FARSB: variants seen among roughly 807,000 people sequenced by gnomAD.
The protein encoded by FARSB is phenylalanyl-tRNA synthetase subunit beta.
FARSB carries 40 observed loss-of-function variants against 69.6 expected under a neutral mutation model. The observed-to-expected ratio is 0.57, with a 90% CI of 0.45 to 0.75. The LOEUF (loss-of-function observed/expected upper bound fraction) is 0.75. Ranked by LOEUF, FARSB falls within the 30% of genes least tolerant of loss-of-function variation. The pLI, the probability that FARSB is intolerant of heterozygous loss-of-function variation, is 0.00. For synonymous variants in FARSB, 235 were observed against 247.2 expected (o/e 0.95, Z 0.46); for missense variants, 632 against 722.9 (o/e 0.87, Z 1.44).
chr2:222,616,817 C>T (rs1350340842), intron 14 of FARSB, among the ~76,000 whole-genome samples: 3 of 152,110 alleles, frequency 2.0e-5, no homozygotes, highest in Non-Finnish European at 4.4e-5. Context: ...GAGTTATAGG[C>T]CCATGAAGAA....
At chr2:222,572,073 C>T in intron 16 of FARSB, 51 bp from the exon 17 acceptor site, 3 of 1,539,556 alleles carry the variant, frequency 1.9e-6, no homozygotes, top group Non-Finnish European at 1.8e-6. Flanking sequence ...GGCAAAACAT[C>T]AATAGACATT....
intron 16 of FARSB, among the ~76,000 whole-genome samples, chr2:222,591,694 T>A (rs1014235785): frequency 6.6e-6 from 1 of 151,826 alleles, no homozygotes; most frequent in Non-Finnish European, 1.5e-5. Flanking sequence ...ATATATACAA[T>A]TTTTTTTTAA....
At chr2:222,585,345 C>G (rs1006482854) in intron 16 of FARSB, among the ~76,000 whole-genome samples, 2 of 152,170 alleles carry the variant, frequency 1.3e-5, no homozygotes, top group African/African-American at 4.8e-5. Flanking sequence ...AAAGGACATC[C>G]ACACCAAAAC....
intron 16 of FARSB, among the ~76,000 whole-genome samples, chr2:222,598,395 T>C (rs1459481559): frequency 6.6e-6 from 1 of 152,200 alleles, no homozygotes; most frequent in Non-Finnish European, 1.5e-5. Flanking sequence ...ATATTATCCA[T>C]CTAAAGGTTA....
chr2:222,594,972 ATTTG>A lies in FARSB; in HGVS notation c.1618+4952_1618+4955del, dbSNP rs1027612646. ...TCCAACTGTGTAGGAATCACTGCTT[ATTTG>A]TTTAATATTGCTTTGTCTTTTAATT... is the stretch of plus-strand genomic sequence containing the variant. On this transcript the variant is annotated intron_variant, in intron 16 of 16. Coordinates refer to ENST00000281828, the MANE Select transcript of FARSB (RefSeq NM_005687.5). Among the ~76,000 whole-genome samples the A allele has an allele frequency of 2.6e-5, 4 of 152,198 alleles. No homozygotes were observed. In the East Asian group the frequency reaches 5.8e-4, roughly 22 times the overall value.
At chr2:222,572,357 TAAAA>T (rs1689739047) in intron 16 of FARSB, among the ~76,000 whole-genome samples, 1 of 152,066 alleles carries the variant, frequency 6.6e-6, no homozygotes. Context: ...GAACTGGTCC[TAAAA>T]AGGCCAAAAG....
At chr2:222,642,212 G>C (rs1691739773) in intron 3 of FARSB, among the ~76,000 whole-genome samples, 2 of 152,138 alleles carry the variant, frequency 1.3e-5, no homozygotes, top group African/African-American at 4.8e-5. Flanking sequence ...TGTTGGCCAG[G>C]CTGGTCTTGA....
chr2:222,580,705 G>GAA (rs200787833), intron 16 of FARSB, among the ~76,000 whole-genome samples: 11 of 150,120 alleles, frequency 7.3e-5, no homozygotes, highest in African/African-American at 2.7e-4. Flanking sequence ...CCACTGGTAG[G>GAA]AAAAAAAAAT....
At position 222,624,307 on chromosome 2, in the gene FARSB, T is replaced by C. The variant is rs200791140; in HGVS notation, c.1135A>G (p.Met379Val). The C allele has an allele frequency of 1.2e-6, 2 of 1,612,304 alleles. No individual in the cohort carries two copies. The highest frequency in any genetic ancestry group is 3.3e-5 in the Admixed American group (2 of 60,026). Residue 379 changes from methionine (M) to valine (V), a missense_variant, in exon 12 of 17, where the codon ATG becomes GTG. Met to Val is a conservative substitution (Grantham distance 21). Coordinates refer to ENST00000281828, the MANE Select transcript of FARSB (RefSeq NM_005687.5). ...AIAYGYNNIQ[M>V]TLPKTYTIAN... ...ATGGTGTAAGTTTTCGGGAGAGTCA[T>C]CTGAATGTTGTTATATCCATAAGCA...
At chr2:222,614,653 C>A (rs189045820) in intron 14 of FARSB, among the ~76,000 whole-genome samples, 1 of 152,100 alleles carries the variant, frequency 6.6e-6, no homozygotes, top group Admixed American at 6.5e-5. Flanking sequence ...AAGACCAGCA[C>A]GGGCAACATA....
chr2:222,613,981 A>G (rs1483188979), intron 14 of FARSB, 53 bp from the exon 15 acceptor site: 1 of 1,074,528 alleles, frequency 9.3e-7, no homozygotes, highest in East Asian at 2.4e-5. Flanking sequence ...AAACAAAGAC[A>G]CTTGGTTAAA....
intron 16 of FARSB, among the ~76,000 whole-genome samples, chr2:222,576,709 A>T (rs1332728510): frequency 6.6e-6 from 1 of 152,158 alleles, no homozygotes; most frequent in Non-Finnish European, 1.5e-5. Flanking sequence ...ACTGGGGTGA[A>T]ATTGACAGGG....
intron 16 of FARSB, among the ~76,000 whole-genome samples, chr2:222,574,051 A>G (rs1689776900): frequency 6.6e-6 from 1 of 152,232 alleles, no homozygotes; most frequent in African/African-American, 2.4e-5. Context: ...AAACCAAACT[A>G]TTTTGGAATC....
At chr2:222,609,633 T>C (rs1430910906) in intron 15 of FARSB, among the ~76,000 whole-genome samples, 1 of 152,194 alleles carries the variant, frequency 6.6e-6, no homozygotes, top group Non-Finnish European at 1.5e-5. Flanking sequence ...AGTGGTTGGC[T>C]CAGCCTCAAA....
At chr2:222,613,759 T>C (rs371740033) in intron 15 of FARSB, 52 bp downstream of exon 15, 2 of 1,183,632 alleles carry the variant, frequency 1.7e-6, no homozygotes, top group East Asian at 4.7e-5. Flanking sequence ...GTTTTCATAA[T>C]GAAAAAAATG....
chr2:222,603,003 A>C (rs1056139475), intron 15 of FARSB, among the ~76,000 whole-genome samples: 7 of 152,144 alleles, frequency 4.6e-5, no homozygotes. Flanking sequence ...TTGTAAAAAA[A>C]AAAATCATCT....
At position 222,572,035 on chromosome 2, in the gene FARSB, A is replaced by C. The variant is rs1333988167; in HGVS notation, c.1619-13T>G. The C allele has an allele frequency of 6.2e-7, 1 of 1,605,122 alleles. No individual in the cohort carries two copies. Among genetic ancestry groups the C allele is most frequent in the African/African-American group, 1.3e-5 (1 of 74,300 alleles). On this transcript the variant is annotated splice_polypyrimidine_tract_variant and intron_variant, in intron 16 of 16. Coordinates refer to ENST00000281828, the MANE Select transcript of FARSB (RefSeq NM_005687.5). ...AAGAAAGCAGGCCCTGAAAAAGAGA[A>C]AGTAAGAGAAAAATCAATGTTTCTT...
At chr2:222,646,481 T>C (rs1691862026) in intron 2 of FARSB, among the ~76,000 whole-genome samples, 1 of 152,216 alleles carries the variant, frequency 6.6e-6, no homozygotes, top group Non-Finnish European at 1.5e-5. Context: ...GCCACAATAT[T>C]GTGGAGACAG....
rs371981140 is a variant in FARSB, at chr2:222,610,903, G to C, written c.1462+2908C>G. Among the ~76,000 whole-genome samples, 143 of 152,254 alleles carry C rather than the reference G, an allele frequency of 9.4e-4. 2 individuals carry two copies. In the South Asian group the frequency reaches 0.029, roughly 31 times the overall value. On this transcript the variant is annotated intron_variant, in intron 15 of 16. Transcript: ENST00000281828. ...GGTAAAGGCAGAACCATGACTCAAAGCCAAGCACTCTGGCTGCAGAGTCTC... is the reference window on the plus strand; with the variant it reads ...GGTAAAGGCAGAACCATGACTCAAACCCAAGCACTCTGGCTGCAGAGTCTC...
Sources: allele counts gnomAD v4.1 joint callset (sites outside exome capture counted in the v4.1 genomes callset), GRCh38; gene constraint gnomAD v4.1.1; transcripts MANE v1.5; gene names NCBI Gene and HGNC (gene_info 2026-07-23, HGNC 2026-07-21).